TRDN: variants seen among roughly 807,000 people sequenced by gnomAD.
TRDN encodes triadin.
A neutral mutation model predicts 149.7 loss-of-function variants in TRDN; 161 were observed. That is an observed-to-expected ratio of 1.08 (90% confidence interval 0.95 to 1.23). The LOEUF is 1.23. Among genes scored for constraint, TRDN ranks in the 50% most tolerant of loss-of-function variants. TRDN has a pLI of 0.00. For missense variants in TRDN, 896 were observed against 823.5 expected (o/e 1.09, Z -1.08); for synonymous variants, 294 against 250.5 (o/e 1.17, Z -1.64).
chr6:123,379,827 C>T (rs1781647060), intron 16 of TRDN, among the ~76,000 whole-genome samples: 2 of 152,048 alleles, frequency 1.3e-5, no homozygotes, highest in Non-Finnish European at 2.9e-5. Context: ...AAAATTATAG[C>T]TCACAAACAT....
chr6:123,224,413 C>T lies in TRDN; in HGVS notation c.1976-282G>A, dbSNP rs545071968. Among the ~76,000 whole-genome samples, 3 of 151,774 alleles carry T rather than the reference C, an allele frequency of 2.0e-5. No individual in the cohort carries two copies. The South Asian group carries it at 6.2e-4, about 32-fold the overall frequency. ...ACCTCCAACACCCACCCCCAGGTTTCCCTCCTCCTCTGACTCCTAAAGCTC... is the reference window on the plus strand; with the variant it reads ...ACCTCCAACACCCACCCCCAGGTTTTCCTCCTCCTCTGACTCCTAAAGCTC... On this transcript the variant is annotated intron_variant, in intron 38 of 40. Transcript: ENST00000334268.
intron 4 of TRDN, among the ~76,000 whole-genome samples, chr6:123,545,557 T>C (rs1382968105): frequency 6.6e-6 from 1 of 151,878 alleles, no homozygotes. Context: ...AAATGTCAAT[T>C]TTTTTCATGT....
intron 1 of TRDN, among the ~76,000 whole-genome samples, chr6:123,615,657 C>A (rs1362133592): frequency 6.6e-6 from 1 of 151,980 alleles, no homozygotes; most frequent in African/African-American, 2.4e-5. Flanking sequence ...CACAAAAAGA[C>A]AAATATTATT....
chr6:123,551,342 T>TACACACACACAC (rs10638140), intron 2 of TRDN, among the ~76,000 whole-genome samples: 17 of 141,198 alleles, frequency 1.2e-4, no homozygotes, highest in African/African-American at 2.7e-4. Flanking sequence ...AAAACCTAAA[T>TACACACACACAC]ACACACACAC....
intron 21 of TRDN, among the ~76,000 whole-genome samples, chr6:123,343,445 CTT>C (rs1343003859): frequency 6.6e-6 from 1 of 151,452 alleles, no homozygotes; most frequent in African/African-American, 2.4e-5. Context: ...CAAATTGAAA[CTT>C]AATTTATAAG....
intron 38 of TRDN, among the ~76,000 whole-genome samples, chr6:123,234,062 A>C (rs1259774444): frequency 1.3e-5 from 2 of 152,060 alleles, no homozygotes; most frequent in African/African-American, 2.4e-5. Context: ...TGAAGCACAA[A>C]AATGTTAAGT....
chr6:123,435,221 C>T (rs1379196097), intron 12 of TRDN, among the ~76,000 whole-genome samples: 2 of 151,566 alleles, frequency 1.3e-5, no homozygotes, highest in African/African-American at 2.4e-5. Flanking sequence ...TATCTTATGC[C>T]TTATAAATTT....
chr6:123,525,119 T>C (rs1779880761), intron 5 of TRDN, among the ~76,000 whole-genome samples: 1 of 152,090 alleles, frequency 6.6e-6, no homozygotes. Flanking sequence ...GTAAATTCAT[T>C]CGACCTCTAT....
At chr6:123,555,441 A>G (rs1781598735) in intron 2 of TRDN, among the ~76,000 whole-genome samples, 1 of 152,170 alleles carries the variant, frequency 6.6e-6, no homozygotes. Context: ...ATTCCTCTGT[A>G]TTTAACCCCT....
At chr6:123,497,172 T>C (rs1430728003) in intron 9 of TRDN, 21 bp downstream of exon 9, 3 of 1,517,644 alleles carry the variant, frequency 2.0e-6, no homozygotes, top group Admixed American at 2.3e-5. Context: ...AACAGACAAG[T>C]ACAAGAATTG....
At position 123,439,014 on chromosome 6, in the gene TRDN, C is replaced by A. The variant is rs954424960; in HGVS notation, c.932-11G>T. ...TTTCCCCTTCTTTTTCTAGAGAATA[C>A]ATTTAAAATATTTCCTTTAGGGAAA... On this transcript the variant is annotated splice_polypyrimidine_tract_variant and intron_variant, in intron 10 of 40. Transcript: ENST00000334268. 15 of 1,538,096 alleles carry A rather than the reference C, an allele frequency of 9.8e-6. No homozygotes were observed. In the African/African-American group the frequency reaches 2.1e-4, roughly 21 times the overall value.
intron 35 of TRDN, among the ~76,000 whole-genome samples, chr6:123,256,235 G>A (rs773105171): frequency 1.3e-5 from 2 of 152,024 alleles, no homozygotes; most frequent in Admixed American, 6.6e-5. Context: ...GATGGTTTCC[G>A]GCTTCATCCA....
intron 23 of TRDN, among the ~76,000 whole-genome samples, chr6:123,330,764 A>G (rs573773184): frequency 7.4e-4 from 113 of 152,200 alleles, no homozygotes; most frequent in Middle Eastern, 3.4e-3. Flanking sequence ...ACTTAAGGCT[A>G]TAGTTTTATA....
intron 2 of TRDN, among the ~76,000 whole-genome samples, chr6:123,566,037 C>A (rs916910362): frequency 3.3e-5 from 5 of 152,148 alleles, no homozygotes; most frequent in Non-Finnish European, 7.3e-5. Flanking sequence ...AATTCATAAA[C>A]GATATAATAA....
chr6:123,350,775 A>G, intron 21 of TRDN: 2 of 966,858 alleles, frequency 2.1e-6, no homozygotes, highest in Non-Finnish European at 2.5e-6. Flanking sequence ...ATGATTTACC[A>G]AGTCAATATA....
At chr6:123,464,724 C>A in intron 10 of TRDN, 182 bp downstream of exon 10, 1 of 1,389,078 alleles carries the variant, frequency 7.2e-7, no homozygotes, top group Non-Finnish European at 9.3e-7. Context: ...CTTAAGGGGA[C>A]ATTTTTGGTT....
chr6:123,356,242 G>A (rs1780666533), intron 20 of TRDN, among the ~76,000 whole-genome samples: 1 of 151,466 alleles, frequency 6.6e-6, no homozygotes, highest in African/African-American at 2.4e-5. Flanking sequence ...TAAGTATGAT[G>A]TTTGCTAATG....
chr6:123,223,705 C>CTTCCTTCG (rs1582738380), intron 39 of TRDN, among the ~76,000 whole-genome samples: 1 of 149,012 alleles, frequency 6.7e-6, no homozygotes, highest in East Asian at 2.0e-4. Flanking sequence ...TCCTTCCTTC[C>CTTCCTTCG]TTCCTTCCTT....
chr6:123,545,493 G>T (rs1026663544), intron 4 of TRDN, among the ~76,000 whole-genome samples: 7 of 151,694 alleles, frequency 4.6e-5, no homozygotes, highest in South Asian at 4.2e-4. Context: ...TTCAACTAAG[G>T]TTTATTATTA....
Sources: gnomAD v4.1 joint callset for allele counts (sites outside exome capture counted in the v4.1 genomes callset) on GRCh38, gnomAD v4.1.1 for gene constraint, MANE v1.5 for transcripts, NCBI Gene and HGNC (gene_info 2026-07-23, HGNC 2026-07-21) for gene names.